FHOD3: variants seen among roughly 807,000 people sequenced by gnomAD.
FHOD3 encodes formin homology 2 domain containing 3.
FHOD3 carries 90 observed loss-of-function variants against 173.0 expected under a neutral mutation model. The ratio of observed to expected loss-of-function variants is 0.52; its 90% CI spans 0.44 to 0.62. The LOEUF (loss-of-function observed/expected upper bound fraction) is 0.62, where lower values mean the gene tolerates loss of function less well. Ranked by LOEUF, FHOD3 falls within the 20% of genes least tolerant of loss-of-function variation. The pLI is 0.00. For missense variants in FHOD3, 1,945 were observed against 2,034.7 expected, an observed-to-expected ratio of 0.96 and a Z score of 0.85; for synonymous variants, 828 against 823.0, an observed-to-expected ratio of 1.01 and a Z score of -0.10.
intron 6 of FHOD3, among the ~76,000 whole-genome samples, chr18:36,582,483 G>T (rs1223154157): frequency 6.6e-6 from 1 of 152,210 alleles, no homozygotes; most frequent in Admixed American, 6.5e-5. Context: ...CAGGAATACT[G>T]TTGCATGCTG....
At chr18:36,763,026 TTTATATATAATATGCGTATTATACACG>T (rs1375815069) in intron 27 of FHOD3, among the ~76,000 whole-genome samples, 7,967 of 143,986 alleles carry the variant, frequency 0.055, 703 homozygotes, top group Non-Finnish European at 0.071. Flanking sequence ...TATTATACAC[TTTATATATAATATGCGTATTATACACG>T]TTATATATAA....
chr18:36,628,422 A>G (rs1018979880), intron 10 of FHOD3, among the ~76,000 whole-genome samples: 5 of 152,184 alleles, frequency 3.3e-5, no homozygotes, highest in Non-Finnish European at 7.4e-5. Context: ...CCTTGTAGGT[A>G]TTTTTTTGTT....
At chr18:36,415,461 T>A (rs534364603) in intron 3 of FHOD3, among the ~76,000 whole-genome samples, 11 of 152,322 alleles carry the variant, frequency 7.2e-5, no homozygotes, top group African/African-American at 2.4e-4. Context: ...GAAGAAAATG[T>A]GACTTCTTAA....
chr18:36,336,943 G>C (rs1479227545), intron 1 of FHOD3, among the ~76,000 whole-genome samples: 1 of 150,740 alleles, frequency 6.6e-6, no homozygotes, highest in Non-Finnish European at 1.5e-5. Flanking sequence ...AGGCCAAAGT[G>C]AGTGGATCTA....
chr18:36,387,914 T>C (rs991141717), intron 3 of FHOD3, among the ~76,000 whole-genome samples: 1 of 152,154 alleles, frequency 6.6e-6, no homozygotes, highest in East Asian at 1.9e-4. Context: ...TGTTCCTCTC[T>C]TGTGGAGAGG....
At chr18:36,443,001 T>A (rs1420265888) in intron 3 of FHOD3, among the ~76,000 whole-genome samples, 1 of 152,218 alleles carries the variant, frequency 6.6e-6, no homozygotes, top group Non-Finnish European at 1.5e-5. Context: ...TTCCTTGTGA[T>A]TGATTTCAAG....
At chr18:36,604,147 T>C (rs765856910) in intron 8 of FHOD3, among the ~76,000 whole-genome samples, 2 of 152,130 alleles carry the variant, frequency 1.3e-5, no homozygotes, top group Non-Finnish European at 2.9e-5. Flanking sequence ...AGTTTCTCCA[T>C]TTGGATCGAC....
intron 11 of FHOD3, among the ~76,000 whole-genome samples, chr18:36,651,670 T>G (rs1217584372): frequency 6.6e-6 from 1 of 151,836 alleles, no homozygotes; most frequent in Non-Finnish European, 1.5e-5. Flanking sequence ...AAGGGTTGCT[T>G]GAACCTGGGA....
intron 5 of FHOD3, among the ~76,000 whole-genome samples, chr18:36,571,286 G>GAACT (rs2058443140): frequency 6.6e-6 from 1 of 152,106 alleles, no homozygotes; most frequent in Non-Finnish European, 1.5e-5. Context: ...CAAAGAATGT[G>GAACT]AACTACTTAT....
intron 3 of FHOD3, among the ~76,000 whole-genome samples, chr18:36,493,800 T>C (rs2054593677): frequency 1.3e-5 from 2 of 152,206 alleles, no homozygotes; most frequent in Non-Finnish European, 2.9e-5. Context: ...AAACGTGGTA[T>C]ACTTTGCAGC....
intron 16 of FHOD3, 149 bp downstream of exon 16, chr18:36,687,327 A>G (rs1428429248): frequency 1.7e-6 from 1 of 598,286 alleles, no homozygotes; most frequent in Non-Finnish European, 2.9e-6. Context: ...TGTACTAGTT[A>G]CCTAAATTTT....
intron 3 of FHOD3, among the ~76,000 whole-genome samples, chr18:36,461,828 G>A (rs2144742058): frequency 6.6e-6 from 1 of 152,310 alleles, no homozygotes; most frequent in South Asian, 2.1e-4. Context: ...AGGGGGTGAT[G>A]TAGTGGAAAG....
chr18:36,569,343 GTA>G (rs1456116685), intron 5 of FHOD3, among the ~76,000 whole-genome samples: 1 of 152,084 alleles, frequency 6.6e-6, no homozygotes, highest in Non-Finnish European at 1.5e-5. Flanking sequence ...ATTAGAAGAA[GTA>G]GGCTTCAGAG....
chr18:36,721,135 T>C (rs2057910876), intron 19 of FHOD3, among the ~76,000 whole-genome samples: 1 of 152,184 alleles, frequency 6.6e-6, no homozygotes. Flanking sequence ...ATGTATTGCC[T>C]AGCTAATAGA....
intron 3 of FHOD3, among the ~76,000 whole-genome samples, chr18:36,479,302 G>T (rs994744490): frequency 1.3e-5 from 2 of 152,154 alleles, no homozygotes; most frequent in Admixed American, 1.3e-4. Flanking sequence ...CTTTTTGTTT[G>T]TTAAAGGACA....
intron 1 of FHOD3, among the ~76,000 whole-genome samples, chr18:36,329,597 A>G (rs1306127576): frequency 6.6e-6 from 1 of 152,088 alleles, no homozygotes; most frequent in Non-Finnish European, 1.5e-5. Flanking sequence ...GTGATGGGGT[A>G]GGGTGGGGTG....
chr18:36,750,049 G>C (rs1469427469), intron 24 of FHOD3, among the ~76,000 whole-genome samples: 1 of 152,032 alleles, frequency 6.6e-6, no homozygotes, highest in Non-Finnish European at 1.5e-5. Context: ...CAGCATTTTG[G>C]GGGGCCAAGG....
At chr18:36,719,992 A>C (rs2040670879) in intron 19 of FHOD3, among the ~76,000 whole-genome samples, 1 of 152,194 alleles carries the variant, frequency 6.6e-6, no homozygotes, top group Non-Finnish European at 1.5e-5. Context: ...TTCCAGCCTC[A>C]GGAATCTCCT....
In FHOD3 at chr18:36,779,493, C is replaced by A. The variant is rs897426251; in HGVS notation, c.4832C>A (p.Ala1611Asp). ...KSGLTPEEAR[A>D]LGLVGTSELQ... Reference sequence around the variant, plus strand: ...GGCCTGACCCCAGAAGAAGCCAGAGCCCTGGGCTTGGTTGGCACCTCGGAG... The same window carrying A: ...GGCCTGACCCCAGAAGAAGCCAGAGACCTGGGCTTGGTTGGCACCTCGGAG... The change falls in exon 29 of 29, where the codon GCC (alanine) becomes GAC (aspartate). Residue 1611 changes from alanine to aspartate, a missense_variant. Physicochemically the swap from Ala to Asp is moderately radical, Grantham distance 126. This residue lies in a region of FHOD3 where 354 missense variants were observed against 359.9 expected (regional missense o/e 0.98). Coordinates refer to ENST00000590592, the MANE Select transcript of FHOD3 (RefSeq NM_001281740.3). 1.2e-6 allele frequency: 2 copies of A among 1,614,170 alleles called. No homozygotes were observed. Among genetic ancestry groups the A allele is most frequent in the Non-Finnish European group, 1.7e-6 (2 of 1,180,028 alleles).
Sources: gnomAD v4.1 joint callset for allele counts (sites outside exome capture counted in the v4.1 genomes callset) on GRCh38, gnomAD v4.1.1 for gene constraint, gnomAD v4.1.1 regional missense constraint, MANE v1.5 for transcripts, NCBI Gene and HGNC (gene_info 2026-07-23, HGNC 2026-07-21) for gene names.